Variants in MICAL2 observed in about 807,000 individuals in gnomAD.
MICAL2 encodes microtubule associated monooxygenase, calponin and LIM domain containing 2.
MICAL2 carries 77 observed loss-of-function variants against 127.3 expected under a neutral mutation model. That is an observed-to-expected ratio of 0.60 (90% CI 0.50 to 0.73). MICAL2 has a LOEUF of 0.73. Ranked by LOEUF, MICAL2 falls within the 30% of genes least tolerant of loss-of-function variation. MICAL2 has a pLI of 0.00. For missense variants in MICAL2, 1,351 were observed against 1,434.4 expected, an observed-to-expected ratio of 0.94 and a Z score of 0.94; for synonymous variants, 570 against 551.1, an observed-to-expected ratio of 1.03 and a Z score of -0.48.
At chr11:12,297,689 C>T (rs1453111950) in intron 29 of MICAL2, among the ~76,000 whole-genome samples, 1 of 151,874 alleles carries the variant, frequency 6.6e-6, no homozygotes, top group Non-Finnish European at 1.5e-5. Context: ...AAGAAATTAT[C>T]CTAGTATAAA....
intron 3 of MICAL2, chr11:12,196,132 G>C (rs1859886457): frequency 6.5e-6 from 1 of 153,506 alleles, no homozygotes; most frequent in South Asian, 2.1e-4. Context: ...GTGAGCCGGT[G>C]AAAATTGATT....
intron 15 of MICAL2, among the ~76,000 whole-genome samples, chr11:12,230,713 T>TCCCC (rs201672427): frequency 8.0e-6 from 1 of 124,576 alleles, no homozygotes. Context: ...AAATTCTTCT[T>TCCCC]TCCCCCCCCA....
intron 3 of MICAL2, among the ~76,000 whole-genome samples, chr11:12,187,735 A>G (rs1404135135): frequency 1.3e-5 from 2 of 151,992 alleles, no homozygotes; most frequent in Admixed American, 6.5e-5. Context: ...CTTCTCGGCT[A>G]TCTTGCTGGT....
chr11:12,137,624 G>A (rs7117917), intron 1 of MICAL2, among the ~76,000 whole-genome samples: 5 of 152,004 alleles, frequency 3.3e-5, no homozygotes, highest in African/African-American at 1.2e-4. Context: ...TGTGTGTGTG[G>A]GGGGCACCAC....
At chr11:12,147,452 A>C (rs1853058520) in intron 2 of MICAL2, among the ~76,000 whole-genome samples, 2 of 152,310 alleles carry the variant, frequency 1.3e-5, no homozygotes, top group South Asian at 4.1e-4. Flanking sequence ...ATAATACAGA[A>C]AGCTGAATTA....
chr11:12,255,931 G>C (rs529306001), intron 23 of MICAL2, 181 bp downstream of exon 23: 196 of 554,298 alleles, frequency 3.5e-4, no homozygotes, highest in African/African-American at 3.1e-3. Flanking sequence ...TTTCCTTAAA[G>C]ACAGATCTCA....
chr11:12,191,376 G>A (rs1198727138), intron 3 of MICAL2, among the ~76,000 whole-genome samples: 4 of 151,494 alleles, frequency 2.6e-5, no homozygotes, highest in South Asian at 2.1e-4. Flanking sequence ...GGAGGCTGAC[G>A]CAGGAGAGTT....
chr11:12,329,156 GT>G (rs945247823), intron 32 of MICAL2, among the ~76,000 whole-genome samples: 2 of 152,078 alleles, frequency 1.3e-5, no homozygotes, highest in African/African-American at 4.8e-5. Flanking sequence ...ATACCTGTTT[GT>G]TTTTTTTACT....
At chr11:12,329,876 A>AG (rs1404452123) in intron 32 of MICAL2, among the ~76,000 whole-genome samples, 4 of 151,356 alleles carry the variant, frequency 2.6e-5, no homozygotes, top group African/African-American at 7.3e-5. Flanking sequence ...AAAAAAAAAA[A>AG]AAAAAAAGAA....
chr11:12,310,834 T>TC (rs892026415), intron 29 of MICAL2, among the ~76,000 whole-genome samples: 27 of 152,146 alleles, frequency 1.8e-4, no homozygotes, highest in African/African-American at 6.3e-4. Flanking sequence ...TTGGGTGTCT[T>TC]CTTCAATTTC....
intron 29 of MICAL2, among the ~76,000 whole-genome samples, chr11:12,309,495 G>T (rs4323848): frequency 0.62 from 93,638 of 151,976 alleles, 30,522 homozygotes; most frequent in Non-Finnish European, 0.71. Context: ...TCCATGTTGA[G>T]GCAAATGACA....
chr11:12,159,895 G>A (rs577251861), intron 2 of MICAL2, among the ~76,000 whole-genome samples: 1 of 152,278 alleles, frequency 6.6e-6, no homozygotes, highest in South Asian at 2.1e-4. Context: ...GCCCAGAGAG[G>A]ATCTGTGAAG....
At position 12,169,357 on chromosome 11, in the gene MICAL2, A is replaced by G. The variant is rs187280925; in HGVS notation, c.264+6938A>G. ...TTTTATGGTTTCTCATTTTATGGCT[A>G]TAGCACAATAGCACCATCTCTTTTA... On this transcript the variant is annotated intron_variant, in intron 3 of 27. Transcript: ENST00000683283. Among the ~76,000 whole-genome samples the G allele has an allele frequency of 2.8e-3, 417 of 148,528 alleles. 4 individuals are homozygous for G. Among genetic ancestry groups the G allele is most frequent in the African/African-American group, 9.8e-3 (396 of 40,280 alleles).
intron 2 of MICAL2, among the ~76,000 whole-genome samples, chr11:12,159,809 T>C (rs1387678939): frequency 6.6e-6 from 1 of 152,152 alleles, no homozygotes; most frequent in African/African-American, 2.4e-5. Context: ...ACATTGCACA[T>C]GGGGAAAGTG....
intron 15 of MICAL2, among the ~76,000 whole-genome samples, chr11:12,234,794 TG>T (rs1858797896): frequency 6.6e-6 from 1 of 152,080 alleles, no homozygotes; most frequent in African/African-American, 2.4e-5. Context: ...GGTTGTGTGT[TG>T]GGGCACCCGT....
chr11:12,284,403 C>G (rs1371933532), intron 2 of MICAL2, among the ~76,000 whole-genome samples: 1 of 151,976 alleles, frequency 6.6e-6, no homozygotes, highest in Non-Finnish European at 1.5e-5. Context: ...AGAATATAAG[C>G]TAAAAAGAAG....
intron 5 of MICAL2, among the ~76,000 whole-genome samples, chr11:12,208,994 A>C (rs1189736432): frequency 1.3e-5 from 2 of 150,672 alleles, no homozygotes; most frequent in East Asian, 2.0e-4. Context: ...GTGGACATTA[A>C]ATCTTAATTA....
In MICAL2 at chr11:12,162,131, C is replaced by G. The variant is rs144768118; in HGVS notation, c.-25C>G. On this transcript the variant is annotated 5_prime_UTR_variant, in exon 3 of 28. Transcript: ENST00000683283. ...CTGTTCACCTGTGTCCTCGCCGCAC[C>G]ACTGCCGCACACGACTCCTGAACCA... The G allele has an allele frequency of 1.7e-3, 2,697 of 1,613,654 alleles. 23 individuals carry two copies. The Middle Eastern group carries it at 0.025, about 15-fold the overall frequency.
chr11:12,170,285 A>G (rs989318966), intron 3 of MICAL2, among the ~76,000 whole-genome samples: 1 of 152,068 alleles, frequency 6.6e-6, no homozygotes, highest in African/African-American at 2.4e-5. Flanking sequence ...CCCCGTCTAT[A>G]CAAAAAATAG....
Sources: allele counts gnomAD v4.1 joint callset (sites outside exome capture counted in the v4.1 genomes callset), GRCh38; gene constraint gnomAD v4.1.1; transcripts MANE v1.5; gene names NCBI Gene and HGNC (gene_info 2026-07-23, HGNC 2026-07-21).